The following RB1 variants were observed in gnomAD, a reference collection of about 807,000 sequenced individuals.
RB1 encodes RB transcriptional corepressor 1.
RB1 carries 18 observed loss-of-function variants against 135.4 expected under a neutral mutation model. That is an observed-to-expected ratio of 0.13 (90% CI 0.09 to 0.20). RB1 has a LOEUF of 0.20. Ranked by LOEUF, RB1 falls within the 10% of genes least tolerant of loss-of-function variation. The pLI, the probability that RB1 is intolerant of heterozygous loss-of-function variation, is 1.00. For missense variants in RB1, 868 were observed against 1,110.0 expected, an observed-to-expected ratio of 0.78 and a Z score of 3.10; for synonymous variants, 365 against 373.2, an observed-to-expected ratio of 0.98 and a Z score of 0.25.
chr13:48,464,958 C>CTTTTTTTTTTTT lies in RB1; in HGVS notation c.2212-27_2212-16dup, dbSNP rs553094345. On this transcript the variant is annotated intron_variant, in intron 21 of 26. Coordinates refer to ENST00000267163, the MANE Select transcript of RB1 (RefSeq NM_000321.3). ...AAATTCATTTAACAAGTAAATTTTA[C>CTTTTTTTTTTTT]TTTTTTTTTTTTTTTTTTTTTTTTA... 2.1e-4 allele frequency: 171 copies of CTTTTTTTTTTTT among 832,614 alleles called. 2 individuals are homozygous for CTTTTTTTTTTTT. Among genetic ancestry groups the CTTTTTTTTTTTT allele is most frequent in the South Asian group, 7.2e-4 (36 of 50,028 alleles). The allele number at this position is 832,614 out of a possible 1,614,324, so 51.6% of individuals were successfully genotyped here.
intron 17 of RB1, among the ~76,000 whole-genome samples, chr13:48,397,671 CTTTCAAATTATCT>C (rs537950364): frequency 0.011 from 1,655 of 152,098 alleles, 41 homozygotes; most frequent in African/African-American, 0.038. Flanking sequence ...TAAAATATAT[CTTTCAAATTATCT>C]TTTCAAATTT....
chr13:48,395,579 A>G (rs964359092), intron 17 of RB1, among the ~76,000 whole-genome samples: 3 of 152,094 alleles, frequency 2.0e-5, no homozygotes, highest in African/African-American at 7.2e-5. Flanking sequence ...GACTTTGTGA[A>G]GCATACACAA....
At chr13:48,450,510 C>T (rs1376064513) in intron 17 of RB1, among the ~76,000 whole-genome samples, 2 of 152,098 alleles carry the variant, frequency 1.3e-5, no homozygotes, top group Non-Finnish European at 2.9e-5. Flanking sequence ...TACTCTGTTC[C>T]ATTCGTCTGT....
chr13:48,348,070 C>T (rs991192786), intron 5 of RB1, among the ~76,000 whole-genome samples: 8 of 151,800 alleles, frequency 5.3e-5, no homozygotes, highest in Admixed American at 1.3e-4. Flanking sequence ...CAAAGAAGAA[C>T]TAATAAGGTG....
chr13:48,320,539 CA>C (rs1475822704), intron 2 of RB1: 5 of 516,300 alleles, frequency 9.7e-6, no homozygotes, highest in Non-Finnish European at 1.4e-5. Context: ...TTCATATACT[CA>C]AAAGGTTGGC....
In RB1 at chr13:48,465,285, G is replaced by C. The variant is rs866638680; in HGVS notation, c.2406G>C (p.Gly802=). The C allele has an allele frequency of 1.9e-6, 3 of 1,611,954 alleles. No individual in the cohort carries two copies. The highest frequency in any genetic ancestry group is 2.5e-6 in the Non-Finnish European group (3 of 1,178,146). The change falls in exon 23 of 27, where the codon GGG becomes GGC. Residue 802 remains glycine (G), a synonymous_variant. Coordinates refer to ENST00000267163, the MANE Select transcript of RB1 (RefSeq NM_000321.3). The stretch of plus-strand genomic sequence containing the variant: ...GTTCACCCTTACGGATTCCTGGAGG[G>C]AACATCTATATTTCACCCCTGAAGA... The part of the protein sequence containing the change: ...FPSSPLRIPG[G]NIYISPLKSP...
At chr13:48,441,876 T>G (rs1208226475) in intron 17 of RB1, among the ~76,000 whole-genome samples, 1 of 152,200 alleles carries the variant, frequency 6.6e-6, no homozygotes, top group Non-Finnish European at 1.5e-5. Flanking sequence ...ATTTTGATCA[T>G]TTAATTATAG....
intron 2 of RB1, chr13:48,333,287 A>G (rs1952352787): frequency 1.1e-5 from 4 of 375,996 alleles, no homozygotes; most frequent in African/African-American, 2.1e-5. Flanking sequence ...GATATTGTTA[A>G]TCCATATAAT....
intron 17 of RB1, among the ~76,000 whole-genome samples, chr13:48,430,417 A>G (rs930715480): frequency 4.6e-5 from 7 of 152,184 alleles, no homozygotes; most frequent in African/African-American, 1.7e-4. Context: ...ACTCCATATA[A>G]GTTCTGGAAA....
In RB1 at chr13:48,480,374, A is replaced by G; in HGVS notation, c.*303A>G. 1 of 441,294 alleles carries G rather than the reference A, an allele frequency of 2.3e-6. No individual in the cohort carries two copies. The highest frequency in any genetic ancestry group is 4.2e-6 in the Non-Finnish European group (1 of 240,250). 27.3% of individuals were successfully genotyped at this position (441,294 alleles called of 1,614,324 possible). A position where few individuals can be genotyped will look rare whatever the true frequency, so the allele number is the denominator to read the frequency against. ...CTTTATGGATAGTAAGAATGGCCCT[A>G]GAGTGGGAGTCCTGATAACCCAGGC... On this transcript the variant is annotated 3_prime_UTR_variant, in exon 27 of 27. Coordinates refer to ENST00000267163, the MANE Select transcript of RB1 (RefSeq NM_000321.3).
At chr13:48,411,694 G>A (rs1208093406) in intron 17 of RB1, 1 of 1,607,166 alleles carries the variant, frequency 6.2e-7, no homozygotes, top group African/African-American at 1.3e-5. Flanking sequence ...ATATTGTAAG[G>A]AACAAAACAG....
At chr13:48,415,948 A>G (rs894971028) in intron 17 of RB1, 3 of 152,232 alleles carry the variant, frequency 2.0e-5, no homozygotes, top group Admixed American at 1.3e-4. Flanking sequence ...CAGAGTAACT[A>G]CTTGCAAAGG....
intron 17 of RB1, among the ~76,000 whole-genome samples, chr13:48,418,834 C>T (rs1344514183): frequency 6.6e-6 from 1 of 152,054 alleles, no homozygotes; most frequent in Non-Finnish European, 1.5e-5. Flanking sequence ...ACAAGAAGAG[C>T]TAACTATCCT....
At chr13:48,453,306 C>T (rs1017959483) in intron 18 of RB1, among the ~76,000 whole-genome samples, 195 bp downstream of exon 18, 4 of 152,140 alleles carry the variant, frequency 2.6e-5, no homozygotes, top group African/African-American at 9.7e-5. Flanking sequence ...GCTACTGAAT[C>T]ACCTAGGATT....
At chr13:48,427,065 C>A (rs982866543) in intron 17 of RB1, among the ~76,000 whole-genome samples, 1 of 152,242 alleles carries the variant, frequency 6.6e-6, no homozygotes, top group Non-Finnish European at 1.5e-5. Flanking sequence ...TCGGTTATCA[C>A]CAAGGGGGTG....
intron 2 of RB1, among the ~76,000 whole-genome samples, chr13:48,308,841 A>G (rs1056161620): frequency 6.6e-6 from 1 of 152,174 alleles, no homozygotes; most frequent in Admixed American, 6.5e-5. Flanking sequence ...GATCTCAAAT[A>G]TAAATTTGAG....
chr13:48,441,815 G>A lies in RB1; in HGVS notation c.1696-11178G>A, dbSNP rs529500560. Among the ~76,000 whole-genome samples, 176 of 152,250 alleles carry A rather than the reference G, an allele frequency of 1.2e-3. 1 individual carries two copies. Among genetic ancestry groups the A allele is most frequent in the Admixed American group, 1.5e-3 (23 of 15,288 alleles). On this transcript the variant is annotated intron_variant, in intron 17 of 26. Coordinates refer to ENST00000267163, the MANE Select transcript of RB1 (RefSeq NM_000321.3). Reference sequence around the variant, plus strand: ...GCAAAAACCTGGTGATTTTCATTCTGTGGTATAGAGATCCTAGTTAAGAGG... The same window carrying A: ...GCAAAAACCTGGTGATTTTCATTCTATGGTATAGAGATCCTAGTTAAGAGG...
chr13:48,477,517 G>T (rs1215217358), intron 26 of RB1, 113 bp downstream of exon 26: 2 of 842,144 alleles, frequency 2.4e-6, no homozygotes, highest in Admixed American at 2.1e-5. Flanking sequence ...GTTTGTTTAT[G>T]CATTTAAAAT....
chr13:48,451,422 T>A (rs1172002788), intron 17 of RB1, among the ~76,000 whole-genome samples: 1 of 152,234 alleles, frequency 6.6e-6, no homozygotes, highest in African/African-American at 2.4e-5. Flanking sequence ...TGAATCACAT[T>A]TATTGGTTTG....
Sources: allele counts gnomAD v4.1 joint callset (sites outside exome capture counted in the v4.1 genomes callset), GRCh38; gene constraint gnomAD v4.1.1; transcripts MANE v1.5; gene names NCBI Gene and HGNC (gene_info 2026-07-23, HGNC 2026-07-21).